Variants in DPF3 observed in about 807,000 individuals in gnomAD.
The protein encoded by DPF3 is double PHD fingers 3, also known as zinc finger protein DPF3.
Under a neutral mutation model 56.8 loss-of-function variants are expected in DPF3, and 18 were observed. That is an observed-to-expected ratio of 0.32 (90% CI 0.22 to 0.47). The LOEUF (loss-of-function observed/expected upper bound fraction) is 0.47, where lower values mean the gene tolerates loss of function less well. Among genes scored for constraint, DPF3 ranks in the 20% least tolerant of loss-of-function variants. DPF3 has a pLI of 1.00. For missense variants in DPF3, 403 were observed against 488.8 expected, an observed-to-expected ratio of 0.82 and a Z score of 1.65; for synonymous variants, 188 against 180.2, an observed-to-expected ratio of 1.04 and a Z score of -0.35.
At chr14:72,804,426 A>G (rs141933168) in intron 1 of DPF3, among the ~76,000 whole-genome samples, 1 of 152,292 alleles carries the variant, frequency 6.6e-6, no homozygotes, top group African/African-American at 2.4e-5. Context: ...AGGAGCAAAC[A>G]ACAACAAAAA....
intron 8 of DPF3, among the ~76,000 whole-genome samples, chr14:72,658,692 A>G (rs1200324599): frequency 6.6e-6 from 1 of 152,200 alleles, no homozygotes; most frequent in African/African-American, 2.4e-5. Flanking sequence ...CTCCATCCAG[A>G]GACCAACCCA....
At chr14:72,831,529 G>A (rs998057449) in intron 1 of DPF3, among the ~76,000 whole-genome samples, 3 of 152,174 alleles carry the variant, frequency 2.0e-5, no homozygotes, top group African/African-American at 7.2e-5. Context: ...TTGAGTACAA[G>A]GAGAGGGCTT....
intron 1 of DPF3, among the ~76,000 whole-genome samples, chr14:72,798,562 T>C (rs1892732644): frequency 6.6e-6 from 1 of 152,240 alleles, no homozygotes; most frequent in Non-Finnish European, 1.5e-5. Context: ...TCAGACATGA[T>C]ACCTGCAAGA....
At chr14:72,863,136 G>GTA (rs1456062725) in intron 1 of DPF3, among the ~76,000 whole-genome samples, 97 of 127,264 alleles carry the variant, frequency 7.6e-4, no homozygotes, top group African/African-American at 2.5e-3. Flanking sequence ...GTGTGTGTGT[G>GTA]TATATATATA....
At chr14:72,867,372 C>T (rs932445915) in intron 1 of DPF3, among the ~76,000 whole-genome samples, 2 of 152,080 alleles carry the variant, frequency 1.3e-5, no homozygotes, top group African/African-American at 4.8e-5. Context: ...TCTGGTGTCA[C>T]GTCTAGATAG....
chr14:72,892,752 T>A, intron 1 of DPF3: 1 of 957,946 alleles, frequency 1.0e-6, no homozygotes, highest in Non-Finnish European at 1.2e-6. Context: ...CCACTTCGCC[T>A]GCGGCTTCGT....
At chr14:72,825,535 A>G (rs1316762367) in intron 1 of DPF3, among the ~76,000 whole-genome samples, 2 of 152,236 alleles carry the variant, frequency 1.3e-5, no homozygotes, top group Non-Finnish European at 2.9e-5. Context: ...TCAGTTCTAG[A>G]ACATAGAAAA....
At position 72,610,533 on chromosome 14, in the gene DPF3, G is replaced by T. The variant is rs1451852999; in HGVS notation, c.*8764C>A. 6.6e-6 allele frequency among the ~76,000 whole-genome samples: 1 copy of T among 152,280 alleles called. No individual in the cohort carries two copies. Among genetic ancestry groups the T allele is most frequent in the Non-Finnish European group, 1.5e-5 (1 of 68,052 alleles). Reference sequence around the variant, plus strand: ...AGCAGAGATGCTCCATGTCTTGGCTGTCAGAGAAATTGAGCTTACAAATTG... The same window carrying T: ...AGCAGAGATGCTCCATGTCTTGGCTTTCAGAGAAATTGAGCTTACAAATTG... On this transcript the variant is annotated 3_prime_UTR_variant, in exon 11 of 11. Transcript: ENST00000556509.
chr14:72,792,230 G>C (rs568188589), intron 1 of DPF3, among the ~76,000 whole-genome samples: 13 of 152,114 alleles, frequency 8.5e-5, no homozygotes, highest in Non-Finnish European at 1.8e-4. Context: ...GGACTGTCAC[G>C]AGGAGACTCT....
At chr14:72,787,946 C>T (rs938046184) in intron 1 of DPF3, among the ~76,000 whole-genome samples, 9 of 152,208 alleles carry the variant, frequency 5.9e-5, no homozygotes, top group African/African-American at 2.2e-4. Context: ...AGAGAATATT[C>T]GCCAAAGTGT....
At chr14:72,827,099 G>A (rs1003636100) in intron 1 of DPF3, among the ~76,000 whole-genome samples, 2 of 129,150 alleles carry the variant, frequency 1.5e-5, no homozygotes, top group Non-Finnish European at 3.2e-5. Context: ...TAGTACAATA[G>A]CCTCTGCAAA....
At chr14:72,795,415 CA>C (rs1892610073) in intron 1 of DPF3, among the ~76,000 whole-genome samples, 1 of 151,248 alleles carries the variant, frequency 6.6e-6, no homozygotes, top group Non-Finnish European at 1.5e-5. Flanking sequence ...TATTCAAGAC[CA>C]GAAGCTCATC....
At chr14:72,889,279 A>G (rs1007751281) in intron 1 of DPF3, among the ~76,000 whole-genome samples, 4 of 152,206 alleles carry the variant, frequency 2.6e-5, no homozygotes, top group Admixed American at 2.6e-4. Context: ...GGGTTCTCGC[A>G]GACATTAATC....
At chr14:72,891,684 C>A (rs1886758468) in intron 1 of DPF3, among the ~76,000 whole-genome samples, 1 of 152,040 alleles carries the variant, frequency 6.6e-6, no homozygotes, top group Non-Finnish European at 1.5e-5. Flanking sequence ...TTGTCAAAAA[C>A]TGTCCAGGGT....
At chr14:72,706,065 G>C (rs1181939182) in intron 6 of DPF3, among the ~76,000 whole-genome samples, 1 of 152,222 alleles carries the variant, frequency 6.6e-6, no homozygotes, top group Non-Finnish European at 1.5e-5. Context: ...CTGTAGGATA[G>C]AGATGACCAA....
At chr14:72,849,101 C>T (rs1478245261) in intron 1 of DPF3, among the ~76,000 whole-genome samples, 2 of 152,176 alleles carry the variant, frequency 1.3e-5, no homozygotes, top group African/African-American at 4.8e-5. Context: ...AAGTAAAATT[C>T]AAACCCAAGT....
chr14:72,664,682 T>A (rs986608846), intron 8 of DPF3, among the ~76,000 whole-genome samples: 3 of 152,038 alleles, frequency 2.0e-5, no homozygotes, highest in Non-Finnish European at 4.4e-5. Flanking sequence ...GACTTCTCCA[T>A]TCTTTCTGTC....
intron 1 of DPF3, chr14:72,892,656 A>T: frequency 9.3e-7 from 1 of 1,073,986 alleles, no homozygotes; most frequent in Non-Finnish European, 1.1e-6. Flanking sequence ...GAATGCGCTG[A>T]ATTAAAAGAA....
intron 3 of DPF3, among the ~76,000 whole-genome samples, chr14:72,739,733 G>A (rs561833063): frequency 6.6e-6 from 1 of 152,286 alleles, no homozygotes; most frequent in Non-Finnish European, 1.5e-5. Flanking sequence ...AGCTTCGGGG[G>A]AAAAATCATG....
Sources: gnomAD v4.1 joint callset for allele counts (sites outside exome capture counted in the v4.1 genomes callset) on GRCh38, gnomAD v4.1.1 for gene constraint, MANE v1.5 for transcripts, NCBI Gene and HGNC (gene_info 2026-07-23, HGNC 2026-07-21) for gene names.